The following PREX1 variants were observed in gnomAD, a reference collection of about 807,000 sequenced individuals.
The protein encoded by PREX1 is phosphatidylinositol-3,4,5-trisphosphate dependent Rac exchange factor 1.
In PREX1, 41 loss-of-function variants were observed where a neutral mutation model predicts 198.3. The observed-to-expected ratio is 0.21, with a 90% CI of 0.16 to 0.27. The LOEUF is 0.27. Among genes scored for constraint, PREX1 ranks in the 10% least tolerant of loss-of-function variants. The pLI is 1.00. For synonymous variants in PREX1, 843 were observed against 887.2 expected (o/e 0.95, Z 0.89); for missense variants, 1,620 against 2,200.7 (o/e 0.74, Z 5.28).
At chr20:48,646,082 C>A in intron 25 of PREX1, 25 bp from the exon 26 acceptor site, 1 of 1,607,616 alleles carries the variant, frequency 6.2e-7, no homozygotes, top group South Asian at 1.1e-5. Flanking sequence ...ACCTTGAAGT[C>A]AAAGATACAG....
chr20:48,759,661 AATT>A (rs1340994209), intron 1 of PREX1, among the ~76,000 whole-genome samples: 1 of 152,150 alleles, frequency 6.6e-6, no homozygotes, highest in African/African-American at 2.4e-5. Flanking sequence ...ACCTGAAGTA[AATT>A]ATTTATTCTC....
At chr20:48,668,982 C>G (rs2089657955) in intron 14 of PREX1, among the ~76,000 whole-genome samples, 1 of 152,156 alleles carries the variant, frequency 6.6e-6, no homozygotes. Context: ...CCAGCAGGGA[C>G]TCTCAGGTCA....
At chr20:48,632,783 C>T (rs1392528373) in intron 33 of PREX1, 144 bp from the exon 34 acceptor site, 3 of 842,598 alleles carry the variant, frequency 3.6e-6, no homozygotes, top group Non-Finnish European at 5.5e-6. Flanking sequence ...CCCGACTCTA[C>T]AGGGGTAGCC....
chr20:48,784,118 T>C (rs1265850563), intron 1 of PREX1, among the ~76,000 whole-genome samples: 1 of 151,736 alleles, frequency 6.6e-6, no homozygotes, highest in African/African-American at 2.4e-5. Flanking sequence ...ACAATGAGAG[T>C]GAAGAAAGCC....
At chr20:48,723,271 CT>C (rs1380542334) in intron 5 of PREX1, among the ~76,000 whole-genome samples, 1 of 152,208 alleles carries the variant, frequency 6.6e-6, no homozygotes, top group Admixed American at 6.5e-5. Context: ...GCATCTGAAT[CT>C]GGAGAAGCCA....
intron 5 of PREX1, 53 bp from the exon 6 acceptor site, chr20:48,708,474 G>A: frequency 6.3e-7 from 1 of 1,585,000 alleles, no homozygotes. Flanking sequence ...TCAATCCAGA[G>A]GAGACCCAGG....
intron 1 of PREX1, among the ~76,000 whole-genome samples, chr20:48,793,242 G>A (rs1321936975): frequency 6.6e-6 from 1 of 152,122 alleles, no homozygotes; most frequent in Non-Finnish European, 1.5e-5. Flanking sequence ...TAAATAAGTA[G>A]ACTAATGGTT....
chr20:48,657,843 T>C (rs949363900), intron 17 of PREX1, among the ~76,000 whole-genome samples: 1 of 152,222 alleles, frequency 6.6e-6, no homozygotes, highest in South Asian at 2.1e-4. Flanking sequence ...CTGTGACTGG[T>C]TGCAGAAAAC....
intron 1 of PREX1, among the ~76,000 whole-genome samples, chr20:48,761,262 C>A (rs1259308854): frequency 6.6e-6 from 1 of 152,196 alleles, no homozygotes; most frequent in Non-Finnish European, 1.5e-5. Flanking sequence ...GTTTTCCTCA[C>A]AGCACCTGTC....
intron 2 of PREX1, among the ~76,000 whole-genome samples, chr20:48,746,006 A>AATT (rs1257504930): frequency 6.6e-6 from 1 of 151,948 alleles, no homozygotes; most frequent in South Asian, 2.1e-4. Context: ...GTATTTTTTA[A>AATT]ATTATTATTA....
chr20:48,692,876 T>A (rs1284993052), intron 7 of PREX1, 86 bp from the exon 8 acceptor site: 4 of 1,131,646 alleles, frequency 3.5e-6, no homozygotes, highest in Non-Finnish European at 5.4e-6. Context: ...AACACAACAC[T>A]GAGGGGCATC....
At chr20:48,713,813 A>T (rs2089947577) in intron 5 of PREX1, among the ~76,000 whole-genome samples, 1 of 151,606 alleles carries the variant, frequency 6.6e-6, no homozygotes, top group Non-Finnish European at 1.5e-5. Flanking sequence ...ACATGTAGAC[A>T]TATGTAACAA....
chr20:48,783,842 C>G (rs1036046858), intron 1 of PREX1, among the ~76,000 whole-genome samples: 1 of 152,186 alleles, frequency 6.6e-6, no homozygotes, highest in Non-Finnish European at 1.5e-5. Context: ...TTCAAAATAC[C>G]CCAAATGAGC....
chr20:48,679,238 C>T (rs1240956353), intron 13 of PREX1, 122 bp downstream of exon 13: 7 of 798,406 alleles, frequency 8.8e-6, no homozygotes, highest in Non-Finnish European at 1.5e-5. Context: ...AGGATAGGTG[C>T]CACTGCAAGC....
intron 7 of PREX1, among the ~76,000 whole-genome samples, chr20:48,693,626 A>C (rs1039582062): frequency 2.0e-5 from 3 of 152,124 alleles, no homozygotes; most frequent in African/African-American, 7.2e-5. Context: ...TATTTTTTTG[A>C]GATGGAGTCT....
intron 6 of PREX1, among the ~76,000 whole-genome samples, chr20:48,703,717 C>T (rs2089887587): frequency 6.6e-6 from 1 of 152,202 alleles, no homozygotes; most frequent in African/African-American, 2.4e-5. Context: ...TCTCGGGGGA[C>T]CTAGGAGAGG....
At chr20:48,727,287 A>G in intron 4 of PREX1, among the ~76,000 whole-genome samples, 1 of 152,078 alleles carries the variant, frequency 6.6e-6, no homozygotes, top group South Asian at 2.1e-4. Flanking sequence ...TAAAAAGTAC[A>G]GCTCTCTTAG....
At chr20:48,821,900 G>A (rs1225295500) in intron 1 of PREX1, 1 of 152,164 alleles carries the variant, frequency 6.6e-6, no homozygotes, top group Non-Finnish European at 1.5e-5. Flanking sequence ...CTTCCAGAAG[G>A]TTTGTCTGAA....
chr20:48,755,606 C>A (rs2090152979), intron 1 of PREX1, among the ~76,000 whole-genome samples: 1 of 152,158 alleles, frequency 6.6e-6, no homozygotes, highest in African/African-American at 2.4e-5. Context: ...ACATCTTATA[C>A]CATGAGGTAG....
Sources: allele counts gnomAD v4.1 joint callset (sites outside exome capture counted in the v4.1 genomes callset), GRCh38; gene constraint gnomAD v4.1.1; transcripts MANE v1.5; gene names NCBI Gene and HGNC (gene_info 2026-07-23, HGNC 2026-07-21).